The following ATE1 variants were observed in gnomAD, a reference collection of about 807,000 sequenced individuals.
ATE1 encodes the protein arginyltransferase 1, also known as arginyl-tRNA--protein transferase 1.
ATE1 carries 36 observed loss-of-function variants against 70.5 expected under a neutral mutation model. That is an observed-to-expected ratio of 0.51 (90% CI 0.39 to 0.67). The LOEUF (loss-of-function observed/expected upper bound fraction) is 0.67. Ranked by LOEUF, ATE1 falls within the 30% of genes least tolerant of loss-of-function variation. ATE1 has a pLI of 0.00. For synonymous variants in ATE1, 232 were observed against 219.3 expected, an observed-to-expected ratio of 1.06 and a Z score of -0.51; for missense variants, 593 against 629.5, an observed-to-expected ratio of 0.94 and a Z score of 0.62.
chr10:121,890,368 T>TTTAGTA lies in ATE1; in HGVS notation c.942+9497_942+9498insTACTAA, dbSNP rs1564931571. On this transcript the variant is annotated intron_variant, in intron 7 of 11. Transcript: ENST00000224652. ...AGAAGCACATCTCATTGTTTGAACA[T>TTTAGTA]GTATGCTAAAGAATTTAGTAGTAAA... is the stretch of plus-strand genomic sequence containing the variant. Among the ~76,000 whole-genome samples the TTTAGTA allele has an allele frequency of 1.5e-4, 23 of 152,316 alleles. No individual in the cohort carries two copies. In the South Asian group the frequency reaches 4.3e-3, roughly 29 times the overall value.
chr10:121,759,673 G>A (rs950257906), intron 11 of ATE1, among the ~76,000 whole-genome samples: 25 of 149,504 alleles, frequency 1.7e-4, no homozygotes, highest in Admixed American at 6.8e-4. Context: ...GCAGTGGGCC[G>A]AGACTGCGCC....
intron 11 of ATE1, among the ~76,000 whole-genome samples, chr10:121,779,711 CT>C (rs1945900823): frequency 6.6e-6 from 1 of 152,176 alleles, no homozygotes. Flanking sequence ...CATCCCCTTC[CT>C]CCATCAGACT....
intron 11 of ATE1, among the ~76,000 whole-genome samples, chr10:121,774,777 T>A (rs1322419158): frequency 6.6e-6 from 1 of 152,132 alleles, no homozygotes; most frequent in East Asian, 1.9e-4. Flanking sequence ...TGCTGTTCGC[T>A]CAACAAAGAA....
chr10:121,778,175 C>A (rs564507060), intron 11 of ATE1, among the ~76,000 whole-genome samples: 8 of 152,190 alleles, frequency 5.3e-5, no homozygotes, highest in Non-Finnish European at 1.0e-4. Flanking sequence ...TGCACACCCA[C>A]AAATTGGGAA....
chr10:121,812,692 T>C (rs1417546392), intron 10 of ATE1, among the ~76,000 whole-genome samples: 1 of 152,198 alleles, frequency 6.6e-6, no homozygotes, highest in African/African-American at 2.4e-5. Flanking sequence ...TTTATAACAA[T>C]GGCCTTTCCC....
intron 7 of ATE1, among the ~76,000 whole-genome samples, chr10:121,886,442 A>G (rs1950401870): frequency 1.3e-5 from 2 of 152,010 alleles, no homozygotes; most frequent in South Asian, 4.1e-4. Context: ...CTGTGTATAC[A>G]TGGTCCCAGT....
rs759197284 is a variant in ATE1, at chr10:121,743,719, C to G, written c.1518G>C (p.Gly506=). ...AAVLQYASLV[G]QKCSERMLLF... The stretch of plus-strand genomic sequence containing the variant: ...GCAGCATCCGCTCGGAGCACTTCTG[C>G]CCCACCAGGCTGGCGTACTGCAGAA... Residue 506 remains glycine, a synonymous_variant, in exon 12 of 12, where the codon GGG becomes GGC. Coordinates refer to ENST00000224652, the MANE Select transcript of ATE1 (RefSeq NM_001001976.3). The G allele has an allele frequency of 1.9e-6, 3 of 1,613,584 alleles. No individual in the cohort carries two copies. The highest frequency in any genetic ancestry group is 2.5e-6 in the Non-Finnish European group (3 of 1,179,850).
chr10:121,878,448 C>T (rs1950126965), intron 7 of ATE1, among the ~76,000 whole-genome samples: 2 of 151,788 alleles, frequency 1.3e-5, no homozygotes, highest in African/African-American at 2.4e-5. Context: ...CAAAAATTAG[C>T]CGGCCATGGT....
chr10:121,927,343 T>G (rs1952136405), intron 1 of ATE1: 1 of 556,686 alleles, frequency 1.8e-6, no homozygotes. Flanking sequence ...TTTTTTAACT[T>G]TTTTTTTTTT....
At chr10:121,830,348 T>C (rs1031805617) in intron 10 of ATE1, among the ~76,000 whole-genome samples, 2 of 152,104 alleles carry the variant, frequency 1.3e-5, no homozygotes, top group Non-Finnish European at 2.9e-5. Flanking sequence ...AATGGATGTG[T>C]TCCTGAGAGC....
chr10:121,769,770 A>C (rs1945425306), intron 11 of ATE1, among the ~76,000 whole-genome samples: 1 of 152,256 alleles, frequency 6.6e-6, no homozygotes. Flanking sequence ...GACGTTCAAC[A>C]TCAGTAGCCA....
At chr10:121,893,480 T>TAATTATAAATAAG (rs1950653595) in intron 7 of ATE1, among the ~76,000 whole-genome samples, 1 of 152,078 alleles carries the variant, frequency 6.6e-6, no homozygotes, top group Non-Finnish European at 1.5e-5. Context: ...AAATTATAAA[T>TAATTATAAATAAG]AACTAATTGT....
intron 3 of ATE1, among the ~76,000 whole-genome samples, chr10:121,921,351 GATAA>G (rs945997104): frequency 6.6e-6 from 1 of 151,522 alleles, no homozygotes; most frequent in Admixed American, 6.6e-5. Flanking sequence ...TAAAAAGAAA[GATAA>G]ATAAGCTTTC....
intron 8 of ATE1, among the ~76,000 whole-genome samples, chr10:121,864,789 AT>A (rs1322592149): frequency 7.9e-5 from 12 of 151,406 alleles, no homozygotes; most frequent in African/African-American, 2.9e-4. Context: ...ACAGGAAGCT[AT>A]TTTGTCCCCC....
intron 7 of ATE1, among the ~76,000 whole-genome samples, chr10:121,890,203 C>T (rs10887011): frequency 0.13 from 20,057 of 151,990 alleles, 1,516 homozygotes; most frequent in East Asian, 0.19. Flanking sequence ...GAATCTAAAA[C>T]GATATCACAA....
At chr10:121,903,450 G>A (rs895012387) in intron 5 of ATE1, among the ~76,000 whole-genome samples, 1 of 152,070 alleles carries the variant, frequency 6.6e-6, no homozygotes, top group African/African-American at 2.4e-5. Context: ...ACTTTGGGGG[G>A]CTAAGGCGGG....
intron 11 of ATE1, among the ~76,000 whole-genome samples, chr10:121,768,823 G>A (rs895638018): frequency 6.6e-5 from 10 of 152,012 alleles, no homozygotes; most frequent in African/African-American, 2.4e-4. Context: ...CTAAATAAAT[G>A]TTAATTTAGA....
chr10:121,904,730 C>T (rs1413506818), intron 5 of ATE1, among the ~76,000 whole-genome samples: 1 of 141,958 alleles, frequency 7.0e-6, no homozygotes, highest in Non-Finnish European at 1.5e-5. Flanking sequence ...ATAAAACTAG[C>T]AAATTCAGTT....
intron 10 of ATE1, among the ~76,000 whole-genome samples, chr10:121,810,456 G>C (rs188120888): frequency 6.6e-6 from 1 of 152,022 alleles, no homozygotes; most frequent in African/African-American, 2.4e-5. Flanking sequence ...ATTTTTAGTA[G>C]AGACGGGGTT....
Sources: gnomAD v4.1 joint callset for allele counts (sites outside exome capture counted in the v4.1 genomes callset) on GRCh38, gnomAD v4.1.1 for gene constraint, MANE v1.5 for transcripts, NCBI Gene and HGNC (gene_info 2026-07-23, HGNC 2026-07-21) for gene names.